The following RNF150 variants were observed in gnomAD, a reference collection of about 807,000 sequenced individuals.
RNF150 encodes ring finger protein 150.
A neutral mutation model predicts 39.3 loss-of-function variants in RNF150; 24 were observed. The observed-to-expected ratio is 0.61, with a 90% confidence interval of 0.44 to 0.86. The LOEUF (loss-of-function observed/expected upper bound fraction) is 0.86. Ranked by LOEUF, RNF150 falls within the 40% of genes least tolerant of loss-of-function variation. The pLI is 0.00. For missense variants in RNF150, 502 were observed against 587.8 expected (o/e 0.85, Z 1.51); for synonymous variants, 255 against 227.3 (o/e 1.12, Z -1.10).
intron 1 of RNF150, among the ~76,000 whole-genome samples, chr4:141,096,839 T>G (rs549468859): frequency 5.3e-5 from 8 of 152,344 alleles, no homozygotes; most frequent in South Asian, 2.1e-4. Flanking sequence ...TCTGAATACT[T>G]GGCTAAAATT....
At chr4:141,186,461 C>T (rs976102839) in intron 1 of RNF150, among the ~76,000 whole-genome samples, 32 of 152,216 alleles carry the variant, frequency 2.1e-4, no homozygotes, top group Admixed American at 1.3e-3. Flanking sequence ...TGCAGTGGCA[C>T]GATCTCGGCT....
chr4:141,007,650 G>T (rs1330912356), intron 1 of RNF150, among the ~76,000 whole-genome samples: 2 of 152,122 alleles, frequency 1.3e-5, no homozygotes, highest in Non-Finnish European at 2.9e-5. Context: ...ACAAAGTAAA[G>T]ATTTAAACGT....
chr4:140,985,578 T>A (rs1733992029), intron 1 of RNF150, among the ~76,000 whole-genome samples: 2 of 152,158 alleles, frequency 1.3e-5, no homozygotes, highest in African/African-American at 4.8e-5. Flanking sequence ...AACCTTGAGC[T>A]TTATGAAATG....
chr4:141,159,904 T>TGAAA (rs1441779680), intron 1 of RNF150, among the ~76,000 whole-genome samples: 7 of 151,720 alleles, frequency 4.6e-5, no homozygotes, highest in African/African-American at 1.7e-4. Flanking sequence ...TGCCAGTCCT[T>TGAAA]ACTGGTGTGT....
chr4:141,162,833 G>T (rs769049324), intron 1 of RNF150, among the ~76,000 whole-genome samples: 44 of 152,194 alleles, frequency 2.9e-4, no homozygotes, highest in Non-Finnish European at 7.3e-5. Flanking sequence ...TCTCTCAAGT[G>T]CCTATGCCAC....
At position 141,132,587 on chromosome 4, in the gene RNF150, G is replaced by A. The variant is rs1174952285; in HGVS notation, c.222C>T (p.Cys74=). 4 of 1,571,724 alleles carry A rather than the reference G, an allele frequency of 2.5e-6. No individual in the cohort carries two copies. In the South Asian group the frequency reaches 4.7e-5, roughly 18 times the overall value. ...GAELHTEKTE[C]GRYGEHSPKQ... ...TGGGCGAGTGCTCTCCGTAGCGCCCGCACTCCGTCTTCTCCGTGTGCAGCT... is the reference window on the plus strand; with the variant it reads ...TGGGCGAGTGCTCTCCGTAGCGCCCACACTCCGTCTTCTCCGTGTGCAGCT... Residue 74 remains cysteine (C), a synonymous_variant, in exon 1 of 7, where the codon TGC becomes TGT. Transcript: ENST00000515673. The surrounding 1 kb of genome is among the most constrained non-coding windows in gnomAD (Gnocchi z 4.9).
intron 1 of RNF150, among the ~76,000 whole-genome samples, chr4:140,977,427 C>A (rs1034929118): frequency 6.6e-6 from 1 of 152,064 alleles, no homozygotes; most frequent in African/African-American, 2.4e-5. Context: ...ACTTTCAATC[C>A]ATGAGACGAA....
At chr4:140,923,676 GT>G (rs1305652315) in intron 5 of RNF150, among the ~76,000 whole-genome samples, 3 of 152,184 alleles carry the variant, frequency 2.0e-5, no homozygotes, top group Non-Finnish European at 4.4e-5. Flanking sequence ...GCACACGTGT[GT>G]TTATTGCAGC....
At chr4:141,123,793 C>T (rs1054389361) in intron 1 of RNF150, among the ~76,000 whole-genome samples, 3 of 152,088 alleles carry the variant, frequency 2.0e-5, no homozygotes, top group Admixed American at 1.3e-4. Context: ...TGAGTGAGAA[C>T]ATGTGGTGTT....
rs192061025 is a variant in RNF150 at position 141,093,096 on chromosome 4, G to A, written c.484+39229C>T. ...AAAAGGGAACTGGTGGCTGGGCGCG[G>A]CGGCTCATGCCTGTAATCCCAGCAC... On this transcript the variant is annotated intron_variant, in intron 1 of 6. Coordinates refer to ENST00000515673, the MANE Select transcript of RNF150 (RefSeq NM_020724.2). 1.2e-3 allele frequency among the ~76,000 whole-genome samples: 188 copies of A among 152,268 alleles called. 1 individual carries two copies. Among genetic ancestry groups the A allele is most frequent in the African/African-American group, 4.4e-3 (182 of 41,572 alleles).
chr4:140,972,191 A>G (rs1733493195), intron 1 of RNF150, among the ~76,000 whole-genome samples: 1 of 152,160 alleles, frequency 6.6e-6, no homozygotes, highest in Admixed American at 6.6e-5. Flanking sequence ...TTTCAAAACT[A>G]TAGTCCTCTC....
At chr4:140,964,301 C>A (rs1406083655) in intron 2 of RNF150, among the ~76,000 whole-genome samples, 1 of 152,070 alleles carries the variant, frequency 6.6e-6, no homozygotes, top group Non-Finnish European at 1.5e-5. Flanking sequence ...ACTCTCTGTG[C>A]TTACTTCCAA....
At chr4:140,885,381 T>A (rs912542494) in intron 6 of RNF150, among the ~76,000 whole-genome samples, 3 of 143,830 alleles carry the variant, frequency 2.1e-5, no homozygotes, top group Non-Finnish European at 4.5e-5. Flanking sequence ...ATATATATAT[T>A]ATATATAATA....
chr4:141,026,214 C>T (rs962403153), intron 1 of RNF150, among the ~76,000 whole-genome samples: 6 of 152,098 alleles, frequency 3.9e-5, no homozygotes, highest in Non-Finnish European at 5.9e-5. Flanking sequence ...GGTAACATTA[C>T]ATGTCAGCTA....
intron 6 of RNF150, among the ~76,000 whole-genome samples, chr4:140,889,122 A>G (rs1322886798): frequency 6.6e-6 from 1 of 152,016 alleles, no homozygotes; most frequent in Non-Finnish European, 1.5e-5. Context: ...GGCTCAAGCA[A>G]TCCTCCTGCC....
At chr4:141,047,902 AAGAATTACCC>A (rs1736636603) in intron 1 of RNF150, among the ~76,000 whole-genome samples, 1 of 152,220 alleles carries the variant, frequency 6.6e-6, no homozygotes, top group African/African-American at 2.4e-5. Flanking sequence ...ACCTGCAATG[AAGAATTACCC>A]AGGCAGCCAC....
chr4:141,084,096 G>A (rs892051746), intron 1 of RNF150, among the ~76,000 whole-genome samples: 2 of 152,076 alleles, frequency 1.3e-5, no homozygotes. Flanking sequence ...TTCATTCCTA[G>A]GCACAAACCA....
At chr4:141,033,674 G>C (rs910886143) in intron 1 of RNF150, among the ~76,000 whole-genome samples, 1 of 152,098 alleles carries the variant, frequency 6.6e-6, no homozygotes, top group African/African-American at 2.4e-5. Flanking sequence ...TTGATCCACT[G>C]GCTACAGAAT....
At chr4:141,091,904 T>C (rs932457342) in intron 1 of RNF150, among the ~76,000 whole-genome samples, 22 of 151,676 alleles carry the variant, frequency 1.5e-4, no homozygotes, top group African/African-American at 4.4e-4. Context: ...AGATACACAA[T>C]ATACACATAT....
Sources: allele counts gnomAD v4.1 joint callset (sites outside exome capture counted in the v4.1 genomes callset), GRCh38; gene constraint gnomAD v4.1.1; non-coding constraint Gnocchi (gnomAD v3.1); transcripts MANE v1.5; gene names NCBI Gene and HGNC (gene_info 2026-07-23, HGNC 2026-07-21).